SH3RF1: variants seen among roughly 807,000 people sequenced by gnomAD.
SH3RF1 encodes the protein SH3 domain containing ring finger 1, also known as E3 ubiquitin-protein ligase SH3RF1.
In SH3RF1, 32 loss-of-function variants were observed where a neutral mutation model predicts 74.0. The ratio of observed to expected loss-of-function variants is 0.43; its 90% CI spans 0.33 to 0.58. The LOEUF is 0.58. SH3RF1 is among the 20% of genes least tolerant of loss of function. The probability of loss-of-function intolerance (pLI) is 0.05; values close to 1 mark genes in which losing one functional copy is unlikely to be tolerated. For synonymous variants in SH3RF1, 396 were observed against 439.6 expected, an observed-to-expected ratio of 0.90 and a Z score of 1.24; for missense variants, 954 against 1,130.9, an observed-to-expected ratio of 0.84 and a Z score of 2.24.
chr4:169,209,016 G>A (rs1381231620), intron 2 of SH3RF1, among the ~76,000 whole-genome samples: 2 of 152,066 alleles, frequency 1.3e-5, no homozygotes, highest in Non-Finnish European at 2.9e-5. Context: ...AGGACAGGGC[G>A]TGGTGGCTCA....
At chr4:169,253,023 C>T (rs1561065376) in intron 2 of SH3RF1, among the ~76,000 whole-genome samples, 1 of 152,130 alleles carries the variant, frequency 6.6e-6, no homozygotes, top group Admixed American at 6.5e-5. Flanking sequence ...GAGAAATTTA[C>T]ATATCAGGTT....
rs1734835018 is a variant in SH3RF1 at position 169,197,580 on chromosome 4, C to T, written c.394-40901G>A. Among the ~76,000 whole-genome samples, 3 of 137,808 alleles carry T rather than the reference C, an allele frequency of 2.2e-5. No homozygotes were observed. In the South Asian group the frequency reaches 7.1e-4, roughly 33 times the overall value. 90.4% of individuals were successfully genotyped at this position (137,808 alleles called of 152,430 possible). On this transcript the variant is annotated intron_variant, in intron 2 of 11. Transcript: ENST00000284637. ...CAGACGTTACAGTGAGCCAAGATTGCGCCACTGTACTCCAGCCTGGGCGAC... is the reference window on the plus strand; with the variant it reads ...CAGACGTTACAGTGAGCCAAGATTGTGCCACTGTACTCCAGCCTGGGCGAC...
At chr4:169,250,375 A>G (rs1011286960) in intron 2 of SH3RF1, among the ~76,000 whole-genome samples, 9 of 152,156 alleles carry the variant, frequency 5.9e-5, no homozygotes, top group African/African-American at 2.2e-4. Flanking sequence ...ATTTATCTTC[A>G]TAAAACAATA....
At chr4:169,267,573 A>C (rs183515997) in intron 2 of SH3RF1, among the ~76,000 whole-genome samples, 10 of 152,362 alleles carry the variant, frequency 6.6e-5, no homozygotes, top group African/African-American at 2.4e-4. Flanking sequence ...ACTATCTTTA[A>C]ATAAATAAAT....
intron 4 of SH3RF1, among the ~76,000 whole-genome samples, chr4:169,148,012 A>AT (rs1733920924): frequency 4.2e-5 from 1 of 23,720 alleles, no homozygotes; most frequent in African/African-American, 7.0e-5. Flanking sequence ...TTAGTTTGTG[A>AT]TTTTTCTCAT....
intron 11 of SH3RF1, among the ~76,000 whole-genome samples, chr4:169,097,339 T>C (rs1463241648): frequency 1.3e-5 from 2 of 152,220 alleles, no homozygotes; most frequent in African/African-American, 4.8e-5. Context: ...GGGAGGGCTA[T>C]GGCCACAAGT....
At chr4:169,120,711 T>C in intron 8 of SH3RF1, 108 bp downstream of exon 8, 3 of 1,087,938 alleles carry the variant, frequency 2.8e-6, no homozygotes, top group Non-Finnish European at 3.9e-6. Context: ...ACCTTGGCTA[T>C]GTAACAGGCA....
At chr4:169,126,829 G>T (rs1024681952) in intron 6 of SH3RF1, among the ~76,000 whole-genome samples, 3 of 152,076 alleles carry the variant, frequency 2.0e-5, no homozygotes, top group Admixed American at 2.0e-4. Flanking sequence ...GGCCTCAAGT[G>T]ATCCTCCTAC....
intron 6 of SH3RF1, 135 bp from the exon 7 acceptor site, chr4:169,122,401 G>C (rs1022533573): frequency 3.0e-5 from 29 of 963,802 alleles, no homozygotes; most frequent in Non-Finnish European, 3.7e-5. Flanking sequence ...ACACAGGGCA[G>C]AATCAGCAGG....
At chr4:169,190,870 C>A (rs1734693685) in intron 2 of SH3RF1, among the ~76,000 whole-genome samples, 1 of 152,138 alleles carries the variant, frequency 6.6e-6, no homozygotes. Context: ...GAAGATAATC[C>A]ACCATGATCA....
At chr4:169,127,993 A>G (rs1404797692) in intron 6 of SH3RF1, among the ~76,000 whole-genome samples, 1 of 152,216 alleles carries the variant, frequency 6.6e-6, no homozygotes, top group Non-Finnish European at 1.5e-5. Flanking sequence ...TCCAATGAGC[A>G]CTTCCTTTGA....
chr4:169,225,480 G>T (rs1027710674), intron 2 of SH3RF1, among the ~76,000 whole-genome samples: 1 of 152,168 alleles, frequency 6.6e-6, no homozygotes, highest in Non-Finnish European at 1.5e-5. Flanking sequence ...CATGAGGAAG[G>T]GAAGTCATTT....
At chr4:169,121,977 C>T (rs1733442301) in intron 7 of SH3RF1, 123 bp downstream of exon 7, 1 of 1,316,118 alleles carries the variant, frequency 7.6e-7, no homozygotes, top group Admixed American at 2.3e-5. Context: ...TTGCAGGACA[C>T]AGACCGCTTG....
At chr4:169,165,637 C>T (rs1380495379) in intron 2 of SH3RF1, among the ~76,000 whole-genome samples, 1 of 146,964 alleles carries the variant, frequency 6.8e-6, no homozygotes, top group Admixed American at 6.9e-5. Flanking sequence ...GAAAAAAAGG[C>T]GGGGGGGGGA....
At chr4:169,191,762 C>T (rs1241772242) in intron 2 of SH3RF1, among the ~76,000 whole-genome samples, 5 of 151,918 alleles carry the variant, frequency 3.3e-5, no homozygotes, top group Middle Eastern at 3.2e-3. Flanking sequence ...AACTGATCTT[C>T]GACAAGGCAA....
chr4:169,150,714 G>A (rs1248929432), intron 4 of SH3RF1, among the ~76,000 whole-genome samples: 1 of 152,076 alleles, frequency 6.6e-6, no homozygotes, highest in Non-Finnish European at 1.5e-5. Flanking sequence ...ACTGCAGTAC[G>A]CCATTTTATG....
intron 2 of SH3RF1, among the ~76,000 whole-genome samples, chr4:169,238,967 C>A (rs896150939): frequency 2.8e-3 from 426 of 151,498 alleles, no homozygotes; most frequent in South Asian, 0.012. Flanking sequence ...AATTTCCGCC[C>A]CCCCCCACCC....
At chr4:169,155,708 T>C (rs1734038590) in intron 3 of SH3RF1, 133 bp from the exon 4 acceptor site, 1 of 673,668 alleles carries the variant, frequency 1.5e-6, no homozygotes. Context: ...GACATATCTT[T>C]AGTACATGGA....
Position 169,129,008 on chromosome 4 carries a change from G to A in SH3RF1, c.1179+1038C>T, listed in dbSNP as rs10024859. 7.4e-3 allele frequency among the ~76,000 whole-genome samples: 1,121 copies of A among 152,228 alleles called. 14 individuals carry two copies. Among genetic ancestry groups the A allele is most frequent in the African/African-American group, 0.026 (1,074 of 41,550 alleles). ...GGTTACTGAGGCTTAAAGAGGCAGAGTACCTTTTCCATGGTCATATAACAA... is the reference window on the plus strand; with the variant it reads ...GGTTACTGAGGCTTAAAGAGGCAGAATACCTTTTCCATGGTCATATAACAA... On this transcript the variant is annotated intron_variant, in intron 6 of 11. Transcript: ENST00000284637.
Sources: gnomAD v4.1 joint callset for allele counts (sites outside exome capture counted in the v4.1 genomes callset) on GRCh38, gnomAD v4.1.1 for gene constraint, MANE v1.5 for transcripts, NCBI Gene and HGNC (gene_info 2026-07-23, HGNC 2026-07-21) for gene names.